The following MARCHF11 variants were observed in gnomAD, a reference collection of about 807,000 sequenced individuals.
MARCHF11 encodes the protein membrane associated ring-CH-type finger 11.
In MARCHF11, 29 loss-of-function variants were observed where a neutral mutation model predicts 37.3. The ratio of observed to expected loss-of-function variants is 0.78; its 90% CI spans 0.58 to 1.06. MARCHF11 has a LOEUF of 1.06. MARCHF11 is among the 50% of genes least tolerant of loss of function. The pLI, the probability that MARCHF11 is intolerant of heterozygous loss-of-function variation, is 0.00. For missense variants in MARCHF11, 482 were observed against 533.4 expected (o/e 0.90, Z 0.95); for synonymous variants, 233 against 228.0 (o/e 1.02, Z -0.20).
At chr5:16,107,764 G>A (rs1013445970) in intron 2 of MARCHF11, among the ~76,000 whole-genome samples, 3 of 152,010 alleles carry the variant, frequency 2.0e-5, no homozygotes, top group African/African-American at 4.8e-5. Context: ...GAGGAGACAA[G>A]CAGACAAATG....
chr5:16,153,005 T>TATA (rs1399086274), intron 2 of MARCHF11, among the ~76,000 whole-genome samples: 1 of 151,990 alleles, frequency 6.6e-6, no homozygotes, highest in African/African-American at 2.4e-5. Context: ...ATGTTCCATG[T>TATA]ATAGCAAGGC....
At position 16,179,332 on chromosome 5, in the gene MARCHF11, G is replaced by A. The variant is rs1417462446; in HGVS notation, c.244C>T (p.Leu82=). ...TGCAGGGGCAGGGGCGGAGGCGGCA[G>A]CTCGTCCGCTCCCCTGCACCGCGGG... The part of the protein sequence containing the change: ...VAPRCRGADE[L]PPPPLPLQPA... Residue 82 remains leucine (L), a synonymous_variant, in exon 1 of 4, where the codon CTG becomes TTG. Coordinates refer to ENST00000332432, the MANE Select transcript of MARCHF11 (RefSeq NM_001102562.3). 3 of 1,227,728 alleles carry A rather than the reference G, an allele frequency of 2.4e-6. No homozygotes were observed. Among genetic ancestry groups the A allele is most frequent in the South Asian group, 5.8e-5 (2 of 34,342 alleles). The allele number at this position is 1,227,728 out of a possible 1,614,324, so 76.1% of individuals were successfully genotyped here.
At chr5:16,074,396 C>T (rs1412110691) in intron 3 of MARCHF11, among the ~76,000 whole-genome samples, 1 of 151,996 alleles carries the variant, frequency 6.6e-6, no homozygotes, top group Non-Finnish European at 1.5e-5. Context: ...AAAGAAACAA[C>T]CAAGATCAGA....
chr5:16,142,804 G>T (rs1737733854), intron 2 of MARCHF11, among the ~76,000 whole-genome samples: 1 of 141,362 alleles, frequency 7.1e-6, no homozygotes, highest in African/African-American at 2.7e-5. Context: ...CGATTCTCCT[G>T]CCTCAGCCTC....
chr5:16,173,710 A>G (rs1317022575), intron 2 of MARCHF11, among the ~76,000 whole-genome samples: 1 of 152,196 alleles, frequency 6.6e-6, no homozygotes, highest in Non-Finnish European at 1.5e-5. Flanking sequence ...AATAAACAAG[A>G]AGGACCTGTG....
At chr5:16,170,196 T>A (rs1018821461) in intron 2 of MARCHF11, among the ~76,000 whole-genome samples, 5 of 152,162 alleles carry the variant, frequency 3.3e-5, no homozygotes, top group African/African-American at 1.2e-4. Context: ...TCCATGATCA[T>A]ACAGTAAAAT....
intron 2 of MARCHF11, among the ~76,000 whole-genome samples, chr5:16,166,272 T>A (rs977620434): frequency 3.3e-5 from 5 of 152,030 alleles, no homozygotes; most frequent in African/African-American, 1.2e-4. Flanking sequence ...GAGAATGATG[T>A]TAGAAACTGA....
At chr5:16,074,360 A>C (rs1313996092) in intron 3 of MARCHF11, among the ~76,000 whole-genome samples, 1 of 152,212 alleles carries the variant, frequency 6.6e-6, no homozygotes, top group Non-Finnish European at 1.5e-5. Flanking sequence ...AAACAAGAAC[A>C]AACCAAACCC....
intron 3 of MARCHF11, among the ~76,000 whole-genome samples, chr5:16,072,072 G>C (rs528291600): frequency 5.9e-4 from 90 of 152,152 alleles, no homozygotes; most frequent in African/African-American, 2.1e-3. Context: ...CCATTCTCCT[G>C]CCTCAGCCTC....
intron 2 of MARCHF11, among the ~76,000 whole-genome samples, chr5:16,146,324 T>G (rs181137831): frequency 6.6e-6 from 1 of 152,334 alleles, no homozygotes; most frequent in Non-Finnish European, 1.5e-5. Flanking sequence ...ACTCATCAGT[T>G]AGCTCCCACT....
intron 2 of MARCHF11, among the ~76,000 whole-genome samples, chr5:16,091,451 G>A (rs562521737): frequency 8.5e-5 from 13 of 152,218 alleles, no homozygotes; most frequent in African/African-American, 2.6e-4. Context: ...TCTCTATCTG[G>A]TAATTTAGTT....
intron 3 of MARCHF11, among the ~76,000 whole-genome samples, chr5:16,071,425 G>T (rs1368934649): frequency 6.6e-6 from 1 of 152,150 alleles, no homozygotes; most frequent in Admixed American, 6.5e-5. Flanking sequence ...GAAGCGCAAA[G>T]AAACATCTTT....
intron 2 of MARCHF11, among the ~76,000 whole-genome samples, chr5:16,104,054 A>T (rs1736999471): frequency 6.6e-6 from 1 of 152,202 alleles, no homozygotes; most frequent in Admixed American, 6.5e-5. Context: ...TCTTTGTGTC[A>T]TGGTAACTGC....
At chr5:16,175,759 G>A (rs932514047) in intron 2 of MARCHF11, among the ~76,000 whole-genome samples, 1 of 152,172 alleles carries the variant, frequency 6.6e-6, no homozygotes, top group African/African-American at 2.4e-5. Context: ...TGCATCTGAC[G>A]TAGTCCTGGA....
chr5:16,116,855 T>A (rs1361281275), intron 2 of MARCHF11, among the ~76,000 whole-genome samples: 1 of 152,274 alleles, frequency 6.6e-6, no homozygotes, highest in East Asian at 1.9e-4. Flanking sequence ...AGTCCCTCCA[T>A]CCCATGTATG....
chr5:16,108,588 T>C (rs1737085061), intron 2 of MARCHF11, among the ~76,000 whole-genome samples: 1 of 151,942 alleles, frequency 6.6e-6, no homozygotes, highest in Non-Finnish European at 1.5e-5. Flanking sequence ...AGAGAAAAGA[T>C]GAGGCCCAGA....
chr5:16,152,235 C>G (rs1737901504), intron 2 of MARCHF11, among the ~76,000 whole-genome samples: 1 of 151,842 alleles, frequency 6.6e-6, no homozygotes, highest in African/African-American at 2.4e-5. Flanking sequence ...TGATATAAAC[C>G]AGACAGTTTC....
intron 2 of MARCHF11, among the ~76,000 whole-genome samples, chr5:16,140,725 A>G (rs1737689215): frequency 6.6e-6 from 1 of 152,192 alleles, no homozygotes; most frequent in Admixed American, 6.5e-5. Flanking sequence ...TGCAAACAAA[A>G]TTGTGCAACA....
chr5:16,163,578 T>C (rs1485559480), intron 2 of MARCHF11, among the ~76,000 whole-genome samples: 1 of 152,052 alleles, frequency 6.6e-6, no homozygotes, highest in East Asian at 1.9e-4. Flanking sequence ...GAGGCACACT[T>C]TATATGCAAA....
Sources: gnomAD v4.1 joint callset for allele counts (sites outside exome capture counted in the v4.1 genomes callset) on GRCh38, gnomAD v4.1.1 for gene constraint, MANE v1.5 for transcripts, NCBI Gene and HGNC (gene_info 2026-07-23, HGNC 2026-07-21) for gene names.